Variants in SYTL3 observed in about 807,000 individuals in gnomAD.
SYTL3 encodes the protein synaptotagmin-like protein 3.
A neutral mutation model predicts 82.1 loss-of-function variants in SYTL3; 88 were observed. The observed-to-expected ratio is 1.07, with a 90% CI of 0.90 to 1.28. SYTL3 has a LOEUF of 1.28. SYTL3 is among the 50% of genes most tolerant of loss of function. The pLI is 0.00. For missense variants in SYTL3, 831 were observed against 757.6 expected, an observed-to-expected ratio of 1.10 and a Z score of -1.14; for synonymous variants, 311 against 289.4, an observed-to-expected ratio of 1.07 and a Z score of -0.76.
Position 158,707,262 on chromosome 6 carries a change from C to G in SYTL3, c.427C>G (p.Gln143Glu). Residue 143 changes from glutamine to glutamate, a missense_variant, in exon 7 of 18, where the codon CAA becomes GAA. Transcript: ENST00000611299. ...KHETVGGQLLQSYQKLSKISV... is the reference protein window; with the variant it reads ...KHETVGGQLLESYQKLSKISV... ...TGAGACAGTTGGAGGGCAGCTCTTG[C>G]AATCTTATCAGAAGCTGAGGTGAGT... 6.2e-7 allele frequency: 1 copy of G among 1,613,858 alleles called. No homozygotes were observed. The highest frequency in any genetic ancestry group is 1.1e-5 in the South Asian group (1 of 91,084).
upstream of SYTL3, among the ~76,000 whole-genome samples, chr6:158,645,265 TAA>T (rs374822966): frequency 6.6e-6 from 1 of 150,624 alleles, no homozygotes; most frequent in Non-Finnish European, 1.5e-5. Flanking sequence ...TAAGCACCAT[TAA>T]AAAAAAACAT....
intron 9 of SYTL3, among the ~76,000 whole-genome samples, chr6:158,714,419 A>AG (rs1277351964): frequency 6.6e-6 from 1 of 151,536 alleles, no homozygotes; most frequent in African/African-American, 2.4e-5. Context: ...CTTTCAGGCC[A>AG]GTAGGGCCCA....
chr6:158,675,327 G>A (rs934253994), intron 5 of SYTL3, among the ~76,000 whole-genome samples: 1 of 152,180 alleles, frequency 6.6e-6, no homozygotes. Context: ...TGTAAGAAGT[G>A]TTGGTAACAG....
At position 158,749,916 on chromosome 6, in the gene SYTL3, G is replaced by A. The variant is rs543853950; in HGVS notation, c.1035-2012G>A. ...TTGGCATCATCTAGAAGAGTTGAAG[G>A]GGCATATACCCTATCACTCCTGGTT... is the stretch of plus-strand genomic sequence containing the variant. On this transcript the variant is annotated intron_variant, in intron 12 of 17. Coordinates refer to ENST00000611299, the MANE Select transcript of SYTL3 (RefSeq NM_001242394.2). 3.9e-5 allele frequency among the ~76,000 whole-genome samples: 6 copies of A among 152,240 alleles called. No individual in the cohort carries two copies. In the South Asian group the frequency reaches 1.2e-3, roughly 32 times the overall value.
chr6:158,695,814 A>C (rs1392970060), intron 6 of SYTL3, among the ~76,000 whole-genome samples: 1 of 152,186 alleles, frequency 6.6e-6, no homozygotes, highest in African/African-American at 2.4e-5. Flanking sequence ...CACTTAGCAA[A>C]ATTTCCTCAG....
intron 4 of SYTL3, 71 bp downstream of exon 4, chr6:158,663,449 C>A: frequency 1.3e-6 from 2 of 1,573,550 alleles, no homozygotes; most frequent in Non-Finnish European, 1.7e-6. Context: ...CACTCCGTCG[C>A]CAATGCTGTT....
chr6:158,747,442 G>A (rs1323167459), intron 12 of SYTL3, among the ~76,000 whole-genome samples: 2 of 152,070 alleles, frequency 1.3e-5, no homozygotes, highest in Non-Finnish European at 2.9e-5. Flanking sequence ...GCTCACTGCA[G>A]CCTCAAAGTC....
In SYTL3 at chr6:158,729,573, T is replaced by TC. The variant is rs200310704; in HGVS notation, c.855+3936_855+3937insC. Among the ~76,000 whole-genome samples the TC allele has an allele frequency of 9.0e-3, 1,356 of 150,248 alleles. 13 individuals are homozygous for TC. Among genetic ancestry groups the TC allele is most frequent in the African/African-American group, 0.03 (1,248 of 41,050 alleles). ...GTACTTTACTTTCTTTTTCTTTTTT[T>TC]TTTTTTTTTTTGAGACAGAGTCTCG... On this transcript the variant is annotated intron_variant, in intron 11 of 17. Coordinates refer to ENST00000611299, the MANE Select transcript of SYTL3 (RefSeq NM_001242394.2).
chr6:158,725,835 G>A (rs1022281849), intron 11 of SYTL3, 198 bp downstream of exon 11: 1 of 767,892 alleles, frequency 1.3e-6, no homozygotes, highest in Non-Finnish European at 2.2e-6. Flanking sequence ...CCTCAGGCCT[G>A]TGTCTTGGAG....
Position 158,679,092 on chromosome 6 carries a change from G to A in SYTL3, c.330-3833G>A, listed in dbSNP as rs56293309. Among the ~76,000 whole-genome samples, 1,092 of 152,244 alleles carry A rather than the reference G, an allele frequency of 7.2e-3. 8 individuals carry two copies. Among genetic ancestry groups the A allele is most frequent in the African/African-American group, 0.024 (1,014 of 41,536 alleles). On this transcript the variant is annotated intron_variant, in intron 5 of 17. Coordinates refer to ENST00000611299, the MANE Select transcript of SYTL3 (RefSeq NM_001242394.2). ...TCCTTTGTAAACTTGGGATTAGGCC[G>A]GGTGTGGTGGCTCACACCTGTAATC...
Position 158,763,509 on chromosome 6 carries a change from A to G in SYTL3, c.1723A>G (p.Lys575Glu). ...RLLGGTRLGSKGDTAVGGDAC... is the reference protein window; with the variant it reads ...RLLGGTRLGSEGDTAVGGDAC... ...GCTTGGAGGAACCAGACTTGGTTCA[A>G]GTAAGTCTGAGACATTGAGCCCAAA... Residue 575 changes from lysine to glutamate, a missense_variant and splice_region_variant, in exon 17 of 18, where the codon AAG (lysine) becomes GAG (glutamate). Lys to Glu is a moderately conservative substitution (Grantham distance 56). Transcript: ENST00000611299. 1 of 1,613,248 alleles carries G rather than the reference A, an allele frequency of 6.2e-7. No individual in the cohort carries two copies. Among genetic ancestry groups the G allele is most frequent in the Non-Finnish European group, 8.5e-7 (1 of 1,179,200 alleles).
At chr6:158,669,828 T>A (rs1490322346) in intron 5 of SYTL3, among the ~76,000 whole-genome samples, 2 of 152,214 alleles carry the variant, frequency 1.3e-5, no homozygotes, top group Admixed American at 6.5e-5. Flanking sequence ...GTCATGGATG[T>A]GGTGTGTATG....
intron 8 of SYTL3, among the ~76,000 whole-genome samples, chr6:158,711,801 A>G (rs1282085237): frequency 6.6e-6 from 1 of 152,166 alleles, no homozygotes; most frequent in African/African-American, 2.4e-5. Context: ...TTGCCATGGC[A>G]TTTGTAAACT....
chr6:158,757,322 A>T lies in SYTL3; in HGVS notation c.1249A>T (p.Thr417Ser). 2 of 1,613,998 alleles carry T rather than the reference A, an allele frequency of 1.2e-6. No homozygotes were observed. The highest frequency in any genetic ancestry group is 1.7e-6 in the Non-Finnish European group (2 of 1,179,978). ...TGGAGAAGTGATCATTCCTCTGGCC[A>T]CGTGGGACTTTGAAGACAGCACAAC... is the stretch of plus-strand genomic sequence containing the variant. The part of the protein sequence containing the change: ...FLGEVIIPLA[T>S]WDFEDSTTQS... The change falls in exon 14 of 18, where the codon ACG becomes TCG. Residue 417 changes from threonine to serine, a missense_variant. Coordinates refer to ENST00000611299, the MANE Select transcript of SYTL3 (RefSeq NM_001242394.2).
chr6:158,728,711 C>T (rs9457453), intron 11 of SYTL3, among the ~76,000 whole-genome samples: 23,976 of 151,136 alleles, frequency 0.16, 2,179 homozygotes, highest in South Asian at 0.35. Context: ...GAGGCCAAGG[C>T]GGGTGGATCA....
At position 158,721,978 on chromosome 6, in the gene SYTL3, A is replaced by T. The variant is rs563030090; in HGVS notation, c.721-3525A>T. 3.3e-5 allele frequency among the ~76,000 whole-genome samples: 5 copies of T among 152,196 alleles called. No homozygotes were observed. In the South Asian group the frequency reaches 1.0e-3, roughly 32 times the overall value. On this transcript the variant is annotated intron_variant, in intron 10 of 17. Transcript: ENST00000611299. ...AACATTCATCAGACTGCAATTACAC[A>T]TGCCTTAGCTGGGGAGCTCACCAAA...
At chr6:158,745,995 C>G (rs1403322481) in intron 12 of SYTL3, among the ~76,000 whole-genome samples, 3 of 152,064 alleles carry the variant, frequency 2.0e-5, no homozygotes, top group African/African-American at 7.2e-5. Flanking sequence ...TCTCACAGTT[C>G]TGGAGGCTGG....
chr6:158,673,850 G>A (rs1009364055), intron 5 of SYTL3, among the ~76,000 whole-genome samples: 28 of 151,150 alleles, frequency 1.9e-4, no homozygotes, highest in Non-Finnish European at 1.9e-4. Context: ...TTGGGAGGCC[G>A]AGCTGGGCGG....
At chr6:158,711,032 G>A (rs975274385) in intron 8 of SYTL3, among the ~76,000 whole-genome samples, 1 of 151,990 alleles carries the variant, frequency 6.6e-6, no homozygotes, top group Non-Finnish European at 1.5e-5. Flanking sequence ...TGCCCACCTC[G>A]GGCTCCCAAA....
Sources: allele counts gnomAD v4.1 joint callset (sites outside exome capture counted in the v4.1 genomes callset), GRCh38; gene constraint gnomAD v4.1.1; transcripts MANE v1.5; gene names NCBI Gene and HGNC (gene_info 2026-07-23, HGNC 2026-07-21).